The following PCNT variants were observed in gnomAD, a reference collection of about 807,000 sequenced individuals.
PCNT encodes the protein pericentrin.
In PCNT, 319 loss-of-function variants were observed where a neutral mutation model predicts 380.4. That is an observed-to-expected ratio of 0.84 (90% confidence interval 0.77 to 0.92). The LOEUF is 0.92. PCNT is among the 40% of genes least tolerant of loss of function. PCNT has a pLI of 0.00. For missense variants in PCNT, 4,400 were observed against 4,255.3 expected, an observed-to-expected ratio of 1.03 and a Z score of -0.95; for synonymous variants, 1,845 against 1,735.2, an observed-to-expected ratio of 1.06 and a Z score of -1.57.
chr21:46,358,220 A>C (rs1370063179), intron 13 of PCNT, among the ~76,000 whole-genome samples: 2 of 152,248 alleles, frequency 1.3e-5, no homozygotes, highest in Admixed American at 6.5e-5. Flanking sequence ...AGTGGAGTTA[A>C]AGTGACTGAA....
In PCNT at chr21:46,391,384, G is replaced by T. The variant is rs1052688397; in HGVS notation, c.4216+8G>T. 1.9e-6 allele frequency: 3 copies of T among 1,545,552 alleles called. No homozygotes were observed. The Admixed American group carries it at 5.9e-5, about 30-fold the overall frequency. On this transcript the variant is annotated splice_region_variant and intron_variant, in intron 21 of 46. Transcript: ENST00000359568. ...CCGAGGCCAGAGAAGCTGGTAAGGA[G>T]CGCGGGCTGTGGAGGGTGGTGCGAG... is the stretch of plus-strand genomic sequence containing the variant.
At chr21:46,428,106 A>T (rs2087586220) in intron 34 of PCNT, among the ~76,000 whole-genome samples, 1 of 152,222 alleles carries the variant, frequency 6.6e-6, no homozygotes, top group South Asian at 2.1e-4. Context: ...CTCTGTGTGC[A>T]GGGCTGGGTG....
intron 13 of PCNT, among the ~76,000 whole-genome samples, chr21:46,359,290 C>A (rs1047930390): frequency 6.9e-6 from 1 of 144,702 alleles, no homozygotes; most frequent in Non-Finnish European, 1.5e-5. Flanking sequence ...TTATGCTTTT[C>A]ACAGGCCACC....
chr21:46,436,506 T>C (rs1183463912), intron 39 of PCNT, among the ~76,000 whole-genome samples: 1 of 86,924 alleles, frequency 1.2e-5, no homozygotes, highest in Admixed American at 1.6e-4. Flanking sequence ...CTGCCCAGTG[T>C]CACTCAAGGC....
chr21:46,403,657 C>G (rs1215150545), intron 27 of PCNT, among the ~76,000 whole-genome samples: 1 of 138,276 alleles, frequency 7.2e-6, no homozygotes, highest in Admixed American at 7.3e-5. Flanking sequence ...GGTGAATGAA[C>G]ACAGCGTGGG....
At chr21:46,426,570 C>A (rs1228315697) in intron 33 of PCNT, among the ~76,000 whole-genome samples, 1 of 152,156 alleles carries the variant, frequency 6.6e-6, no homozygotes. Flanking sequence ...AGCACTTGTC[C>A]CCCAGGGCCT....
chr21:46,353,294 G>A lies in PCNT; in HGVS notation c.1647G>A (p.Arg549=). The A allele has an allele frequency of 6.2e-7, 1 of 1,614,144 alleles. No homozygotes were observed. The highest frequency in any genetic ancestry group is 8.5e-7 in the Non-Finnish European group (1 of 1,180,020). The change falls in exon 10 of 47, where the codon AGG becomes AGA. Residue 549 remains arginine, a synonymous_variant. Transcript: ENST00000359568. The part of the protein sequence containing the change: ...TLLQQRLQGA[R]EDALLDSVEV... ...TACAGCAGAGGCTGCAGGGGGCGAG[G>A]GAAGATGCTCTTCTGGACTCTGTGG...
chr21:46,428,486 G>A lies in PCNT; in HGVS notation c.7586G>A (p.Arg2529His), dbSNP rs769605015. The A allele has an allele frequency of 5.6e-6, 9 of 1,612,156 alleles. No homozygotes were observed. The highest frequency in any genetic ancestry group is 1.7e-4 in the Middle Eastern group (1 of 6,024). The change falls in exon 35 of 47, where the codon CGC (arginine) becomes CAC (histidine). Residue 2529 changes from arginine to histidine, a missense_variant. Coordinates refer to ENST00000359568, the MANE Select transcript of PCNT (RefSeq NM_006031.6). ...SEIQALRAQL[R>H]MTHLQNQEKL... ...ATCCAGGCGCTGCGTGCCCAGCTGC[G>A]CATGACGCACCTGCAGAACCAGGAG...
intron 32 of PCNT, among the ~76,000 whole-genome samples, chr21:46,422,417 T>TCTCCCGCCTGTGCCTCC (rs1400090837): frequency 4.4e-5 from 6 of 136,200 alleles, no homozygotes; most frequent in African/African-American, 1.7e-4. Context: ...CCTGTGCCTC[T>TCTCCCGCCTGTGCCTCC]CTCCCGCCTG....
At chr21:46,342,546 T>C (rs1023992356) in intron 3 of PCNT, among the ~76,000 whole-genome samples, 1 of 151,234 alleles carries the variant, frequency 6.6e-6, no homozygotes, top group African/African-American at 2.5e-5. Flanking sequence ...TTTTTTTTTT[T>C]CTTTTTTTTT....
At chr21:46,346,446 G>T (rs189638900) in intron 4 of PCNT, among the ~76,000 whole-genome samples, 103 of 152,288 alleles carry the variant, frequency 6.8e-4, no homozygotes, top group Middle Eastern at 3.4e-3. Flanking sequence ...ACCTCAGGCC[G>T]GTTGCTCTCC....
At chr21:46,411,150 A>T (rs1436074462) in intron 27 of PCNT, 39 bp from the exon 28 acceptor site, 1 of 1,595,060 alleles carries the variant, frequency 6.3e-7, no homozygotes, top group South Asian at 1.1e-5. Context: ...TCGGAAGTGG[A>T]TACATTTAAT....
At chr21:46,369,712 C>T (rs546177809) in intron 15 of PCNT, among the ~76,000 whole-genome samples, 43 of 152,352 alleles carry the variant, frequency 2.8e-4, no homozygotes, top group Non-Finnish European at 5.0e-4. Context: ...GGAGCGTGTG[C>T]ACCTTCTGTG....
chr21:46,336,812 C>T (rs549154341), intron 3 of PCNT, among the ~76,000 whole-genome samples: 18 of 152,124 alleles, frequency 1.2e-4, no homozygotes, highest in African/African-American at 4.3e-4. Flanking sequence ...TATTTATAGA[C>T]ATATATGTTA....
chr21:46,415,993 A>C, intron 29 of PCNT, 76 bp from the exon 30 acceptor site: 1 of 1,430,976 alleles, frequency 7.0e-7, no homozygotes, highest in Non-Finnish European at 9.8e-7. Context: ...CCTGAAATCC[A>C]CTCATTAACA....
chr21:46,443,948 G>A lies in PCNT; in HGVS notation c.9839G>A (p.Arg3280Lys), dbSNP rs893905195. 6.2e-7 allele frequency: 1 copy of A among 1,611,892 alleles called. No individual in the cohort carries two copies. The highest frequency in any genetic ancestry group is 1.3e-5 in the African/African-American group (1 of 74,870). ...GCAGCCTCCCCACACAGTGGGGGAA[G>A]GTCAGTGTGATGCCTTCAGGCCCCG... is the stretch of plus-strand genomic sequence containing the variant. ...AAAASPHSGG[R>K]ATPSPNSRLE... Residue 3280 changes from arginine to lysine, a missense_variant and splice_region_variant, in exon 45 of 47, where the codon AGA (arginine) becomes AAA (lysine). By Grantham distance (26) the Arg-to-Lys change is conservative. Coordinates refer to ENST00000359568, the MANE Select transcript of PCNT (RefSeq NM_006031.6).
rs1569271352 is a variant in PCNT, at chr21:46,412,825, T to G, written c.5995-12T>G. ...CCTGCATGCTCAGCTTTCCTCTGTCTCCTCTGTCAAGGGTGATCTGCAGCC... is the reference window on the plus strand; with the variant it reads ...CCTGCATGCTCAGCTTTCCTCTGTCGCCTCTGTCAAGGGTGATCTGCAGCC... On this transcript the variant is annotated splice_polypyrimidine_tract_variant and intron_variant, in intron 28 of 46. Coordinates refer to ENST00000359568, the MANE Select transcript of PCNT (RefSeq NM_006031.6). 6.2e-7 allele frequency: 1 copy of G among 1,609,966 alleles called. No individual in the cohort carries two copies. Among genetic ancestry groups the G allele is most frequent in the Admixed American group, 1.7e-5 (1 of 59,996 alleles).
Position 46,433,265 on chromosome 21 carries a change from C to G in PCNT, c.8751+1050C>G, listed in dbSNP as rs1057434395. On this transcript the variant is annotated intron_variant, in intron 38 of 46. Transcript: ENST00000359568. ...GGGCATGGTAGTGTGCACCTGTAATCCCAGCTATTCGGGAGGCTGGGGCAG... is the reference window on the plus strand; with the variant it reads ...GGGCATGGTAGTGTGCACCTGTAATGCCAGCTATTCGGGAGGCTGGGGCAG... Among the ~76,000 whole-genome samples, 3 of 152,238 alleles carry G rather than the reference C, an allele frequency of 2.0e-5. 1 individual carries two copies. Among genetic ancestry groups the G allele is most frequent in the East Asian group, 1.9e-4 (1 of 5,180 alleles).
chr21:46,388,892 T>C lies in PCNT; in HGVS notation c.3607+8T>C, dbSNP rs1180642900. The C allele has an allele frequency of 6.3e-7, 1 of 1,593,200 alleles. No individual in the cohort carries two copies. Among genetic ancestry groups the C allele is most frequent in the Non-Finnish European group, 8.5e-7 (1 of 1,175,248 alleles). On this transcript the variant is annotated splice_region_variant and intron_variant, in intron 18 of 46. Transcript: ENST00000359568. The surrounding 1 kb of genome is among the most constrained non-coding windows in gnomAD (Gnocchi z 4.2). ...GCCTGGCCCTGTCGACAGGTGAGTG[T>C]GCCGGGACCAGCTGCCCAGCCCTGT...
Sources: gnomAD v4.1 joint callset for allele counts (sites outside exome capture counted in the v4.1 genomes callset) on GRCh38, gnomAD v4.1.1 for gene constraint, Gnocchi (gnomAD v3.1) non-coding constraint, MANE v1.5 for transcripts, NCBI Gene and HGNC (gene_info 2026-07-23, HGNC 2026-07-21) for gene names.